The following ZNF566 variants were observed in gnomAD, a reference collection of about 807,000 sequenced individuals.
ZNF566 encodes the protein zinc finger protein 566.
In ZNF566, 27 loss-of-function variants were observed where a neutral mutation model predicts 32.8. The ratio of observed to expected loss-of-function variants is 0.82; its 90% CI spans 0.61 to 1.14. The LOEUF is 1.14. ZNF566 is among the 50% of genes most tolerant of loss of function. ZNF566 has a pLI of 0.00. For missense variants in ZNF566, 402 were observed against 490.4 expected (o/e 0.82, Z 1.70); for synonymous variants, 154 against 159.5 (o/e 0.97, Z 0.26).
chr19:36,458,106 C>T, intron 4 of ZNF566, among the ~76,000 whole-genome samples: 1 of 152,022 alleles, frequency 6.6e-6, no homozygotes, highest in Non-Finnish European at 1.5e-5. Context: ...GGTATATATC[C>T]AAATGAAATC....
chr19:36,485,492 T>C (rs899807899), intron 1 of ZNF566, among the ~76,000 whole-genome samples: 2 of 142,506 alleles, frequency 1.4e-5, no homozygotes, highest in Non-Finnish European at 3.0e-5. Flanking sequence ...CTGGGCGCGG[T>C]AGCTCATGCC....
chr19:36,455,770 G>T (rs1468814201), intron 4 of ZNF566, among the ~76,000 whole-genome samples: 1 of 151,094 alleles, frequency 6.6e-6, no homozygotes, highest in African/African-American at 2.4e-5. Context: ...GCCTCATGCA[G>T]TGGCTTATGC....
intron 1 of ZNF566, among the ~76,000 whole-genome samples, chr19:36,478,642 G>A (rs1017400767): frequency 5.4e-5 from 8 of 148,364 alleles, no homozygotes; most frequent in Admixed American, 2.0e-4. Context: ...AAAGTCTCAC[G>A]AAATAAGAAA....
Position 36,449,230 on chromosome 19 carries a change from C to T in ZNF566, c.1004G>A (p.Gly335Asp). 6.2e-7 allele frequency: 1 copy of T among 1,614,096 alleles called. No individual in the cohort carries two copies. Among genetic ancestry groups the T allele is most frequent in the Non-Finnish European group, 8.5e-7 (1 of 1,180,016 alleles). Residue 335 changes from glycine (G) to aspartate (D), a missense_variant, in exon 5 of 5, where the codon GGT becomes GAT. Gly to Asp is a moderately conservative substitution (Grantham distance 94). Transcript: ENST00000452939. ...QLIKHQRIHT[G>D]EKPYECKECE... ...TTCCTTACATTCGTAAGGTTTCTCACCTGTATGGATTCTTTGATGTTTAAT... is the reference window on the plus strand; with the variant it reads ...TTCCTTACATTCGTAAGGTTTCTCATCTGTATGGATTCTTTGATGTTTAAT...
At chr19:36,484,622 C>A (rs1201320389) in intron 1 of ZNF566, among the ~76,000 whole-genome samples, 1 of 135,632 alleles carries the variant, frequency 7.4e-6, no homozygotes, top group Non-Finnish European at 1.5e-5. Context: ...TGGAGTCTCG[C>A]TCTGTCACCC....
At chr19:36,455,185 A>G (rs762836210) in intron 4 of ZNF566, among the ~76,000 whole-genome samples, 1 of 152,178 alleles carries the variant, frequency 6.6e-6, no homozygotes, top group Non-Finnish European at 1.5e-5. Context: ...AAACTCTCTC[A>G]ACAAATTAGG....
At chr19:36,485,060 T>C (rs1047108134) in intron 1 of ZNF566, among the ~76,000 whole-genome samples, 2 of 151,978 alleles carry the variant, frequency 1.3e-5, no homozygotes, top group Admixed American at 6.6e-5. Context: ...TATGACACAT[T>C]GAGAAGAGTT....
At chr19:36,464,612 C>G (rs922766604) in intron 4 of ZNF566, among the ~76,000 whole-genome samples, 1 of 152,106 alleles carries the variant, frequency 6.6e-6, no homozygotes, top group Non-Finnish European at 1.5e-5. Flanking sequence ...AAAACCCTGT[C>G]TCTACAAAAA....
chr19:36,471,416 T>C (rs1038685372), intron 4 of ZNF566, among the ~76,000 whole-genome samples: 1 of 151,986 alleles, frequency 6.6e-6, no homozygotes, highest in African/African-American at 2.4e-5. Context: ...CTCCAGTCAC[T>C]GGCCTCTGGG....
chr19:36,473,032 A>G, intron 3 of ZNF566, 26 bp from the exon 4 acceptor site: 1 of 1,587,422 alleles, frequency 6.3e-7, no homozygotes, highest in Non-Finnish European at 8.6e-7. Context: ...GTAACAAAAC[A>G]AATTTATCAT....
chr19:36,450,158 T>C (rs948707329), intron 4 of ZNF566, among the ~76,000 whole-genome samples, 157 bp from the exon 5 acceptor site: 3 of 152,114 alleles, frequency 2.0e-5, no homozygotes, highest in Non-Finnish European at 4.4e-5. Flanking sequence ...AGGGTAGTGA[T>C]TAGGAAAACA....
intron 4 of ZNF566, among the ~76,000 whole-genome samples, chr19:36,459,580 G>A (rs1360576285): frequency 1.3e-5 from 2 of 150,380 alleles, no homozygotes; most frequent in Non-Finnish European, 3.0e-5. Flanking sequence ...GCTTGATCTC[G>A]GCTCACCACA....
chr19:36,473,103 G>C, intron 3 of ZNF566, 97 bp from the exon 4 acceptor site: 2 of 1,236,104 alleles, frequency 1.6e-6, no homozygotes, highest in Non-Finnish European at 2.3e-6. Context: ...GGCATTATGA[G>C]AAGAGTCAAA....
chr19:36,464,525 T>C (rs1012243969), intron 4 of ZNF566, among the ~76,000 whole-genome samples: 1 of 152,136 alleles, frequency 6.6e-6, no homozygotes, highest in African/African-American at 2.4e-5. Context: ...CAATTAAAGT[T>C]GCATTAATAG....
Position 36,449,482 on chromosome 19 carries a change from C to T in ZNF566, c.752G>A (p.Gly251Asp), listed in dbSNP as rs772218617. The change falls in exon 5 of 5, where the codon GGT becomes GAT. Residue 251 changes from glycine to aspartate, a missense_variant. Transcript: ENST00000452939. ...DLTRHHRIHT[G>D]EKPYECKECG... is the part of the protein sequence containing the mutation. ...TTCCTTACATTCATAGGGTTTCTCACCAGTGTGAATTCTGTGATGTCGAGT... is the reference window on the plus strand; with the variant it reads ...TTCCTTACATTCATAGGGTTTCTCATCAGTGTGAATTCTGTGATGTCGAGT... 4.3e-6 allele frequency: 7 copies of T among 1,614,092 alleles called. No individual in the cohort carries two copies. Among genetic ancestry groups the T allele is most frequent in the South Asian group, 1.1e-5 (1 of 91,082 alleles).
chr19:36,486,532 G>C (rs185380314), intron 1 of ZNF566, among the ~76,000 whole-genome samples: 1 of 152,032 alleles, frequency 6.6e-6, no homozygotes. Flanking sequence ...TTAGCTGGCC[G>C]TGGTGGCGCA....
At chr19:36,475,538 G>A (rs2033863632) in intron 2 of ZNF566, among the ~76,000 whole-genome samples, 2 of 152,096 alleles carry the variant, frequency 1.3e-5, no homozygotes, top group African/African-American at 4.8e-5. Context: ...TCCCTATAAG[G>A]TGCCCCTAAT....
chr19:36,455,203 G>T (rs888677788), intron 4 of ZNF566, among the ~76,000 whole-genome samples: 1 of 151,992 alleles, frequency 6.6e-6, no homozygotes, highest in Admixed American at 6.5e-5. Flanking sequence ...AGGTGTACAA[G>T]GAATTTACTT....
At position 36,449,357 on chromosome 19, in the gene ZNF566, T is replaced by G; in HGVS notation, c.877A>C (p.Ser293Arg). 1 of 1,614,166 alleles carries G rather than the reference T, an allele frequency of 6.2e-7. No homozygotes were observed. The highest frequency in any genetic ancestry group is 8.5e-7 in the Non-Finnish European group (1 of 1,180,018). The change falls in exon 5 of 5, where the codon AGT becomes CGT. Residue 293 changes from serine (S) to arginine (R), a missense_variant. Physicochemically the swap from Ser to Arg is moderately radical, Grantham distance 110. This residue lies in a region of ZNF566 where 135 missense variants were observed against 210.0 expected (regional missense o/e 0.64). Coordinates refer to ENST00000452939, the MANE Select transcript of ZNF566 (RefSeq NM_001145344.1). ...YECKECGKAF[S>R]SGSNFTQHQR... ...TGTTGAGTAAAGTTTGAGCCACTAC[T>G]AAAGGCCTTCCCGCATTCTTTGCAT...
Sources: gnomAD v4.1 joint callset for allele counts (sites outside exome capture counted in the v4.1 genomes callset) on GRCh38, gnomAD v4.1.1 for gene constraint, gnomAD v4.1.1 regional missense constraint, MANE v1.5 for transcripts, NCBI Gene and HGNC (gene_info 2026-07-23, HGNC 2026-07-21) for gene names.